The following PCDHA2 variants were observed in gnomAD, a reference collection of about 807,000 sequenced individuals.
PCDHA2 encodes protocadherin alpha-2.
In PCDHA2, 58 loss-of-function variants were observed where a neutral mutation model predicts 66.0. The ratio of observed to expected loss-of-function variants is 0.88; its 90% CI spans 0.71 to 1.09. The LOEUF is 1.09. PCDHA2 is among the 50% of genes least tolerant of loss of function. PCDHA2 has a pLI of 0.00. For synonymous variants in PCDHA2, 634 were observed against 554.0 expected, an observed-to-expected ratio of 1.14 and a Z score of -2.03; for missense variants, 1,267 against 1,242.3, an observed-to-expected ratio of 1.02 and a Z score of -0.30.
intron 1 of PCDHA2, chr5:140,856,192 G>A (rs782508103): frequency 1.9e-6 from 3 of 1,598,180 alleles, no homozygotes; most frequent in Non-Finnish European, 1.7e-6. Context: ...GCCGCATCGC[G>A]CAGGACCTGG....
chr5:140,987,011 C>T (rs1266225593), intron 3 of PCDHA2, among the ~76,000 whole-genome samples: 2 of 152,104 alleles, frequency 1.3e-5, no homozygotes, highest in African/African-American at 4.8e-5. Context: ...GTCATGAGTT[C>T]GAGACCAGCC....
At chr5:140,829,903 C>G (rs782134190) in intron 1 of PCDHA2, 1 of 1,613,860 alleles carries the variant, frequency 6.2e-7, no homozygotes, top group Non-Finnish European at 8.5e-7. Flanking sequence ...CAGGCTACAA[C>G]GCGTGGCTTT....
intron 1 of PCDHA2, among the ~76,000 whole-genome samples, chr5:140,939,697 A>G (rs1327140175): frequency 6.6e-6 from 1 of 152,232 alleles, no homozygotes; most frequent in African/African-American, 2.4e-5. Context: ...GCTGGACATT[A>G]TCATTTGTGA....
chr5:140,809,698 T>G, intron 1 of PCDHA2: 1 of 1,155,888 alleles, frequency 8.7e-7, no homozygotes, highest in East Asian at 2.4e-5. Context: ...ATATCCATTT[T>G]AACTAAAGTC....
In PCDHA2 at chr5:140,856,803, A is replaced by C. The variant is rs782347816; in HGVS notation, c.2388+59451A>C. On this transcript the variant is annotated intron_variant, in intron 1 of 3. Coordinates refer to ENST00000526136, the MANE Select transcript of PCDHA2 (RefSeq NM_018905.3). ...CCGGTTTATGAAGTTAAGATGTATGAAAATCAAGTGAACCAAACATTAGTA... is the reference window on the plus strand; with the variant it reads ...CCGGTTTATGAAGTTAAGATGTATGCAAATCAAGTGAACCAAACATTAGTA... 9.4e-6 allele frequency: 15 copies of C among 1,595,568 alleles called. 2 individuals are homozygous for C. In the Admixed American group the frequency reaches 1.2e-4, roughly 13 times the overall value.
intron 1 of PCDHA2, among the ~76,000 whole-genome samples, chr5:140,798,950 C>T (rs1309510759): frequency 2.0e-5 from 3 of 152,170 alleles, no homozygotes; most frequent in African/African-American, 7.2e-5. Context: ...AGTGATCTTA[C>T]CTTTAGCCAT....
At chr5:140,889,144 A>G (rs2062119546) in intron 1 of PCDHA2, among the ~76,000 whole-genome samples, 1 of 151,794 alleles carries the variant, frequency 6.6e-6, no homozygotes, top group African/African-American at 2.4e-5. Flanking sequence ...TTTTCTTCCT[A>G]ATTTCTTCTT....
chr5:140,822,419 A>G (rs2150116239), intron 1 of PCDHA2: 1 of 1,614,096 alleles, frequency 6.2e-7, no homozygotes, highest in South Asian at 1.1e-5. Flanking sequence ...ATTGCAACTG[A>G]TGGAGGAAAA....
chr5:140,869,318 G>A (rs1373742506), intron 1 of PCDHA2: 1 of 1,613,688 alleles, frequency 6.2e-7, no homozygotes, highest in South Asian at 1.1e-5. Flanking sequence ...AAAACACATG[G>A]GGACCTTCTG....
intron 1 of PCDHA2, chr5:140,802,888 C>T: frequency 1.2e-6 from 2 of 1,613,760 alleles, no homozygotes; most frequent in Non-Finnish European, 1.7e-6. Context: ...AACGCGCCGG[C>T]ACTGCTGATG....
At chr5:140,844,484 A>G (rs1442751127) in intron 1 of PCDHA2, among the ~76,000 whole-genome samples, 1 of 149,426 alleles carries the variant, frequency 6.7e-6, no homozygotes, top group Non-Finnish European at 1.5e-5. Context: ...CTCTATGTTT[A>G]GGAAATGATT....
chr5:140,929,233 C>T (rs782744711), intron 1 of PCDHA2: 5 of 1,613,786 alleles, frequency 3.1e-6, no homozygotes, highest in Non-Finnish European at 8.5e-7. Flanking sequence ...TGCCGACCTG[C>T]GAAATCTTGC....
intron 1 of PCDHA2, chr5:140,835,685 T>G (rs2150241896): frequency 8.7e-6 from 14 of 1,613,884 alleles, no homozygotes; most frequent in Non-Finnish European, 1.2e-5. Flanking sequence ...GCTCGCCTTC[T>G]CTGTGGGCCA....
At chr5:140,853,249 A>G in intron 1 of PCDHA2, 1 of 975,702 alleles carries the variant, frequency 1.0e-6, no homozygotes, top group Non-Finnish European at 1.2e-6. Flanking sequence ...ATTAATCTCT[A>G]TTCTCTCTCA....
chr5:140,808,935 G>A, intron 1 of PCDHA2: 1 of 1,613,714 alleles, frequency 6.2e-7, no homozygotes, highest in Non-Finnish European at 8.5e-7. Flanking sequence ...CTGGTGCCAT[G>A]GTCGGTGGGT....
chr5:140,851,156 T>C (rs1174677153), intron 1 of PCDHA2: 2 of 1,302,318 alleles, frequency 1.5e-6, no homozygotes, highest in South Asian at 2.6e-5. Context: ...GAATTTCTGA[T>C]GCTATGCTGC....
intron 1 of PCDHA2, chr5:140,823,937 G>T (rs2150130560): frequency 6.2e-7 from 1 of 1,613,788 alleles, no homozygotes; most frequent in African/African-American, 1.3e-5. Flanking sequence ...ACCGCGCTGC[G>T]GTGCTCGGCG....
intron 1 of PCDHA2, chr5:140,821,824 T>C (rs2150110897): frequency 9.9e-6 from 16 of 1,614,004 alleles, no homozygotes; most frequent in East Asian, 2.2e-5. Flanking sequence ...CCTGCTGCTC[T>C]GGCTTCTCCT....
chr5:140,808,807 C>T (rs7707144), intron 1 of PCDHA2: 12 of 1,612,656 alleles, frequency 7.4e-6, no homozygotes, highest in Non-Finnish European at 8.5e-6. Flanking sequence ...CTCGCGATGC[C>T]GGCGTGCCAC....
Sources: allele counts gnomAD v4.1 joint callset (sites outside exome capture counted in the v4.1 genomes callset), GRCh38; gene constraint gnomAD v4.1.1; transcripts MANE v1.5; gene names NCBI Gene and HGNC (gene_info 2026-07-23, HGNC 2026-07-21).